The following KAT14 variants were observed in gnomAD, a reference collection of about 807,000 sequenced individuals.
The protein encoded by KAT14 is lysine acetyltransferase 14.
KAT14 carries 66 observed loss-of-function variants against 78.4 expected under a neutral mutation model. That is an observed-to-expected ratio of 0.84 (90% CI 0.69 to 1.03). The LOEUF (loss-of-function observed/expected upper bound fraction) is 1.03. KAT14 is among the 50% of genes least tolerant of loss of function. KAT14 has a pLI of 0.00. For synonymous variants in KAT14, 344 were observed against 359.4 expected, an observed-to-expected ratio of 0.96 and a Z score of 0.48; for missense variants, 870 against 972.5, an observed-to-expected ratio of 0.89 and a Z score of 1.40.
chr20:18,141,633 C>T (rs759689126), intron 1 of KAT14, among the ~76,000 whole-genome samples: 4 of 152,242 alleles, frequency 2.6e-5, no homozygotes, highest in African/African-American at 4.8e-5. Context: ...GCCTGTAATC[C>T]GGCACTTTGG....
At chr20:18,147,611 G>C (rs899501229) in intron 3 of KAT14, among the ~76,000 whole-genome samples, 1 of 152,062 alleles carries the variant, frequency 6.6e-6, no homozygotes, top group Non-Finnish European at 1.5e-5. Flanking sequence ...TTGAGGCACA[G>C]TCTCACTCTG....
intron 4 of KAT14, 38 bp from the exon 5 acceptor site, chr20:18,159,046 A>G (rs2038322049): frequency 6.3e-7 from 1 of 1,575,730 alleles, no homozygotes; most frequent in East Asian, 2.2e-5. Flanking sequence ...TATAATGAGC[A>G]AAAGTGCCAA....
At chr20:18,160,568 T>G (rs1261240508) in intron 5 of KAT14, among the ~76,000 whole-genome samples, 1 of 152,176 alleles carries the variant, frequency 6.6e-6, no homozygotes, top group Non-Finnish European at 1.5e-5. Flanking sequence ...TTTGGTTGTT[T>G]CTACCTTTTT....
chr20:18,137,412 A>T, upstream of KAT14, among the ~76,000 whole-genome samples: 1 of 152,162 alleles, frequency 6.6e-6, no homozygotes, highest in East Asian at 1.9e-4. Flanking sequence ...AACTCCACGG[A>T]TGGGAACCCC....
intron 7 of KAT14, among the ~76,000 whole-genome samples, chr20:18,175,895 G>T (rs1822791027): frequency 6.6e-6 from 1 of 151,414 alleles, no homozygotes; most frequent in South Asian, 2.1e-4. Flanking sequence ...GGTGACATGT[G>T]CTACTTAGGA....
At chr20:18,148,603 A>ATT (rs978610988) in intron 3 of KAT14, among the ~76,000 whole-genome samples, 9 of 142,922 alleles carry the variant, frequency 6.3e-5, no homozygotes, top group Middle Eastern at 3.6e-3. Flanking sequence ...ACTGGGGTTC[A>ATT]TTTTTTTTTG....
At chr20:18,171,621 G>A (rs1306452776) in intron 7 of KAT14, among the ~76,000 whole-genome samples, 1 of 152,128 alleles carries the variant, frequency 6.6e-6, no homozygotes, top group Non-Finnish European at 1.5e-5. Context: ...AGACCAGCCT[G>A]GCCAACATAG....
upstream of KAT14, chr20:18,137,785 A>G (rs1041854268): frequency 3.4e-5 from 21 of 624,070 alleles, no homozygotes; most frequent in African/African-American, 2.1e-4. Context: ...GCGCCGCTCT[A>G]TGCTCGGCTC....
intron 9 of KAT14, chr20:18,183,689 A>G (rs1451008504): frequency 3.3e-6 from 1 of 301,010 alleles, no homozygotes; most frequent in Non-Finnish European, 4.9e-6. Context: ...TTCCTTAGAG[A>G]GTATTAGTAC....
At chr20:18,157,778 A>T (rs1187315136) in intron 4 of KAT14, among the ~76,000 whole-genome samples, 3 of 152,164 alleles carry the variant, frequency 2.0e-5, no homozygotes, top group African/African-American at 7.2e-5. Context: ...GCAGTATGTG[A>T]TAGGATTTCC....
intron 7 of KAT14, among the ~76,000 whole-genome samples, chr20:18,181,502 G>A (rs1408057452): frequency 6.6e-6 from 1 of 151,488 alleles, no homozygotes; most frequent in Non-Finnish European, 1.5e-5. Context: ...CCAAGTAGCT[G>A]GGACTACAGG....
Position 18,137,881 on chromosome 20 carries a change from C to A in KAT14, c.-624C>A. 2.2e-6 allele frequency: 3 copies of A among 1,385,836 alleles called. No individual in the cohort carries two copies. Among genetic ancestry groups the A allele is most frequent in the East Asian group, 3.0e-5 (1 of 33,354 alleles). 85.8% of individuals were successfully genotyped at this position (1,385,836 alleles called of 1,614,324 possible). ...AGGGGTCGAGCCTGGGCAGTACAGG[C>A]GGCGGTGCGCACTCTGCGGCGGCCT... On this transcript the variant is annotated 5_prime_UTR_variant, in exon 1 of 11. Coordinates refer to ENST00000688188, the MANE Select transcript of KAT14 (RefSeq NM_001392073.1).
At chr20:18,158,849 T>C (rs567060046) in intron 4 of KAT14, among the ~76,000 whole-genome samples, 3 of 152,132 alleles carry the variant, frequency 2.0e-5, no homozygotes, top group Non-Finnish European at 4.4e-5. Context: ...CCCTGTGAGG[T>C]AAGTTCTATT....
intron 9 of KAT14, among the ~76,000 whole-genome samples, chr20:18,184,355 C>A (rs946982837): frequency 2.6e-5 from 4 of 152,088 alleles, no homozygotes; most frequent in African/African-American, 4.8e-5. Flanking sequence ...ATTCTGAACC[C>A]GTGCACTGCT....
Position 18,184,682 on chromosome 20 carries a change from T to C in KAT14, c.2062T>C (p.Phe688Leu). 1 of 1,614,026 alleles carries C rather than the reference T, an allele frequency of 6.2e-7. No individual in the cohort carries two copies. The highest frequency in any genetic ancestry group is 1.1e-5 in the South Asian group (1 of 91,050). Residue 688 changes from phenylalanine to leucine, a missense_variant, in exon 10 of 11, where the codon TTC becomes CTC. Coordinates refer to ENST00000688188, the MANE Select transcript of KAT14 (RefSeq NM_001392073.1). ...LYKKVIIAFG[F>L]MVPDVKYNEA... ...TAAAAAAGTCATCATTGCCTTTGGC[T>C]TCATGGTTCCTGATGTGAAATACAA...
intron 9 of KAT14, 82 bp from the exon 10 acceptor site, chr20:18,184,520 T>A: frequency 8.4e-7 from 1 of 1,184,964 alleles, no homozygotes; most frequent in Non-Finnish European, 1.2e-6. Flanking sequence ...CAGGTGTAGC[T>A]ATATGTACAT....
chr20:18,167,182 G>T (rs904461884), intron 7 of KAT14, among the ~76,000 whole-genome samples: 38 of 152,160 alleles, frequency 2.5e-4, no homozygotes, highest in African/African-American at 8.9e-4. Flanking sequence ...TTATTTTATT[G>T]TCCCATTTGG....
At position 18,162,732 on chromosome 20, in the gene KAT14, G is replaced by C; in HGVS notation, c.1455G>C (p.Pro485=). The C allele has an allele frequency of 6.2e-7, 1 of 1,614,202 alleles. No individual in the cohort carries two copies. Among genetic ancestry groups the C allele is most frequent in the Middle Eastern group, 1.6e-4 (1 of 6,062 alleles). The change falls in exon 7 of 11, where the codon CCG becomes CCC. Residue 485 remains proline (P), a synonymous_variant. Coordinates refer to ENST00000688188, the MANE Select transcript of KAT14 (RefSeq NM_001392073.1). ...GTCCCGGTGCTGTTGCCATGACTCC[G>C]GAAGCTCGGAGACTGAAACGCAAAC... The part of the protein sequence containing the change: ...EACPGAVAMT[P]EARRLKRKLI...
intron 4 of KAT14, among the ~76,000 whole-genome samples, chr20:18,155,820 A>G (rs997100504): frequency 6.6e-6 from 1 of 152,180 alleles, no homozygotes; most frequent in Non-Finnish European, 1.5e-5. Flanking sequence ...CGTTGTGGAA[A>G]ATGGTGTGGT....
Sources: gnomAD v4.1 joint callset for allele counts (sites outside exome capture counted in the v4.1 genomes callset) on GRCh38, gnomAD v4.1.1 for gene constraint, MANE v1.5 for transcripts, NCBI Gene and HGNC (gene_info 2026-07-23, HGNC 2026-07-21) for gene names.